The following SLC43A2 variants were observed in gnomAD, a reference collection of about 807,000 sequenced individuals.
SLC43A2 encodes solute carrier family 43 member 2.
A neutral mutation model predicts 63.2 loss-of-function variants in SLC43A2; 38 were observed. The observed-to-expected ratio is 0.60, with a 90% CI of 0.46 to 0.79. The LOEUF (loss-of-function observed/expected upper bound fraction) is 0.79, where lower values mean the gene tolerates loss of function less well. SLC43A2 is among the 30% of genes least tolerant of loss of function. The pLI, the probability that SLC43A2 is intolerant of heterozygous loss-of-function variation, is 0.00. For missense variants in SLC43A2, 644 were observed against 756.2 expected (o/e 0.85, Z 1.74); for synonymous variants, 322 against 331.0 (o/e 0.97, Z 0.30).
chr17:1,590,658 A>T, intron 9 of SLC43A2, 144 bp downstream of exon 9: 1 of 1,075,590 alleles, frequency 9.3e-7, no homozygotes, highest in Non-Finnish European at 1.3e-6. Flanking sequence ...GTGATGCAAT[A>T]GCTCTGACGG....
At chr17:1,591,795 T>A (rs1057067605) in intron 6 of SLC43A2, 96 bp from the exon 7 acceptor site, 9 of 960,560 alleles carry the variant, frequency 9.4e-6, no homozygotes, top group Non-Finnish European at 1.4e-5. Flanking sequence ...TGGCCACCCC[T>A]GCTGTCCCTG....
intron 10 of SLC43A2, among the ~76,000 whole-genome samples, chr17:1,584,819 CA>C (rs11463729): frequency 1.3e-4 from 18 of 142,226 alleles, no homozygotes; most frequent in African/African-American, 1.6e-4. Flanking sequence ...GACTCCGTCT[CA>C]AAAAAAAAAA....
upstream of SLC43A2, among the ~76,000 whole-genome samples, chr17:1,629,104 G>T (rs995372387): frequency 2.0e-5 from 3 of 152,000 alleles, no homozygotes; most frequent in Non-Finnish European, 2.9e-5. Flanking sequence ...CGGCGACATC[G>T]CCCCGCGGCC....
rs7219369 is a variant in SLC43A2, at chr17:1,613,186, T to C, written c.501+9A>G. Reference sequence around the variant, plus strand: ...CTGAACTACAGAGCTTTAAAAAATCTGTACTCACTGTTAATGAGGTGAAGG... The same window carrying C: ...CTGAACTACAGAGCTTTAAAAAATCCGTACTCACTGTTAATGAGGTGAAGG... On this transcript the variant is annotated intron_variant, in intron 5 of 13. Transcript: ENST00000301335. 0.99 allele frequency: 1,600,199 copies of C among 1,610,498 alleles called. 795,514 individuals carry two copies. Among genetic ancestry groups the C allele is most frequent in the East Asian group, 1 (44,855 of 44,858 alleles).
intron 9 of SLC43A2, 81 bp downstream of exon 9, chr17:1,590,721 C>T: frequency 6.6e-7 from 1 of 1,525,298 alleles, no homozygotes; most frequent in South Asian, 1.2e-5. Context: ...CCCGGCTCAG[C>T]TTAACACATT....
intron 5 of SLC43A2, among the ~76,000 whole-genome samples, chr17:1,611,287 G>A (rs892778810): frequency 2.0e-5 from 3 of 152,180 alleles, no homozygotes; most frequent in Non-Finnish European, 2.9e-5. Flanking sequence ...GGCGTCGCGT[G>A]ACTAAAATAA....
rs1905766189 is a variant in SLC43A2 at position 1,599,994 on chromosome 17, A to G, written c.502-6715T>C. 2.0e-5 allele frequency among the ~76,000 whole-genome samples: 3 copies of G among 146,526 alleles called. No individual in the cohort carries two copies. In the South Asian group the frequency reaches 6.6e-4, roughly 32 times the overall value. Reference sequence around the variant, plus strand: ...GGGAGGCAGAGCTTGCAGTGAGCTGAGATTGCGCCACTGCACTCCAGCCTG... The same window carrying G: ...GGGAGGCAGAGCTTGCAGTGAGCTGGGATTGCGCCACTGCACTCCAGCCTG... On this transcript the variant is annotated intron_variant, in intron 5 of 13. Coordinates refer to ENST00000301335, the MANE Select transcript of SLC43A2 (RefSeq NM_152346.3).
intron 8 of SLC43A2, 130 bp from the exon 9 acceptor site, chr17:1,591,078 G>T: frequency 8.0e-7 from 1 of 1,257,680 alleles, no homozygotes; most frequent in Non-Finnish European, 1.1e-6. Flanking sequence ...TAACGGGGTT[G>T]GCGCTGCGGT....
chr17:1,599,885 A>G (rs1188067323), intron 5 of SLC43A2, among the ~76,000 whole-genome samples: 1 of 149,002 alleles, frequency 6.7e-6, no homozygotes, highest in Non-Finnish European at 1.5e-5. Flanking sequence ...TCTACTAAAA[A>G]TACAAAAAAT....
At chr17:1,611,965 T>C (rs1255833094) in intron 5 of SLC43A2, among the ~76,000 whole-genome samples, 1 of 152,112 alleles carries the variant, frequency 6.6e-6, no homozygotes, top group Non-Finnish European at 1.5e-5. Context: ...TTTGACTTTC[T>C]TTTTTGTTGT....
Position 1,593,134 on chromosome 17 carries a change from G to A in SLC43A2, c.594+53C>T. 2 of 1,554,932 alleles carry A rather than the reference G, an allele frequency of 1.3e-6. No individual in the cohort carries two copies. Among genetic ancestry groups the A allele is most frequent in the Non-Finnish European group, 1.8e-6 (2 of 1,136,040 alleles). On this transcript the variant is annotated intron_variant, in intron 6 of 13. Coordinates refer to ENST00000301335, the MANE Select transcript of SLC43A2 (RefSeq NM_152346.3). This position sits in a 1 kb window ranked among gnomAD's most constrained non-coding sequence, Gnocchi z 5.3. ...GCCTCCCTCTTCAGAGAGGGTGGAAGGAGCCTGGAGCAGGCCTCTGCACAG... is the reference window on the plus strand; with the variant it reads ...GCCTCCCTCTTCAGAGAGGGTGGAAAGAGCCTGGAGCAGGCCTCTGCACAG...
intron 5 of SLC43A2, among the ~76,000 whole-genome samples, chr17:1,596,808 G>T (rs1905321083): frequency 6.6e-6 from 1 of 152,154 alleles, no homozygotes; most frequent in African/African-American, 2.4e-5. Context: ...TTTCTCCAAA[G>T]AAGATATACA....
intron 2 of SLC43A2, among the ~76,000 whole-genome samples, chr17:1,617,546 G>A (rs1379048365): frequency 2.0e-5 from 3 of 151,910 alleles, no homozygotes; most frequent in Admixed American, 6.6e-5. Context: ...ACCTGCCACC[G>A]CGCCCGGCTA....
At chr17:1,604,652 G>A (rs754217802) in intron 5 of SLC43A2, 5 of 1,399,322 alleles carry the variant, frequency 3.6e-6, no homozygotes, top group Non-Finnish European at 4.9e-6. Context: ...GAGACTACAG[G>A]GGGATACCAC....
At position 1,627,680 on chromosome 17, in the gene SLC43A2, C is replaced by CA. The variant is rs761083716; in HGVS notation, c.160+34dup. 25 of 1,382,398 alleles carry CA rather than the reference C, an allele frequency of 1.8e-5. No homozygotes were observed. The African/African-American group carries it at 4.5e-4, about 25-fold the overall frequency. The allele number at this position is 1,382,398 out of a possible 1,614,324, so 85.6% of individuals were successfully genotyped here. A position where few individuals can be genotyped will look rare whatever the true frequency, so the allele number is the denominator to read the frequency against. On this transcript the variant is annotated intron_variant, in intron 2 of 13. Coordinates refer to ENST00000301335, the MANE Select transcript of SLC43A2 (RefSeq NM_152346.3). ...CCGCCCCCTCCCAAAGCCCCAGCTC[C>CA]AGGAGCCCCCCGCAACCCCAGGCGC... is the stretch of plus-strand genomic sequence containing the variant.
In SLC43A2 at chr17:1,572,299, T is replaced by TC. The variant is rs1287959372; in HGVS notation, c.*3304dup. ...ACAGAGGTCCCCCCTGCCACAGAGG[T>TC]CCCCCTGCCACAGAGGCCTGGTGGC... On this transcript the variant is annotated 3_prime_UTR_variant, in exon 14 of 14. Coordinates refer to ENST00000301335, the MANE Select transcript of SLC43A2 (RefSeq NM_152346.3). The TC allele has an allele frequency of 1.2e-5, 1 of 82,714 alleles. No homozygotes were observed. Among genetic ancestry groups the TC allele is most frequent in the Non-Finnish European group, 2.2e-5 (1 of 44,714 alleles). 5.1% of individuals were successfully genotyped at this position (82,714 alleles called of 1,614,324 possible).
chr17:1,583,545 A>AG lies in SLC43A2; in HGVS notation c.1218-210dup, dbSNP rs1310570783. 2 of 752,614 alleles carry AG rather than the reference A, an allele frequency of 2.7e-6. No homozygotes were observed. The highest frequency in any genetic ancestry group is 3.5e-5 in the African/African-American group (2 of 56,696). 46.6% of individuals were successfully genotyped at this position (752,614 alleles called of 1,614,324 possible). ...GTGGCAAGCTGAGTGTGACTCTCGGAGGGGGTCTCGGGTACAAGAAGATGG... is the reference window on the plus strand; with the variant it reads ...GTGGCAAGCTGAGTGTGACTCTCGGAGGGGGGTCTCGGGTACAAGAAGATGG... On this transcript the variant is annotated intron_variant, in intron 10 of 13. Coordinates refer to ENST00000301335, the MANE Select transcript of SLC43A2 (RefSeq NM_152346.3). The surrounding 1 kb of genome is among the most constrained non-coding windows in gnomAD (Gnocchi z 5.5).
chr17:1,620,136 A>C (rs936139369), intron 2 of SLC43A2, among the ~76,000 whole-genome samples: 1 of 152,184 alleles, frequency 6.6e-6, no homozygotes, highest in South Asian at 2.1e-4. Flanking sequence ...AGGCCGAGGC[A>C]GGCGGACCAC....
rs750209271 is a variant in SLC43A2, at chr17:1,585,993, G to A, written c.1137C>T (p.Pro379=). 33 of 1,612,774 alleles carry A rather than the reference G, an allele frequency of 2.0e-5. No individual in the cohort carries two copies. The East Asian group carries it at 2.5e-4, about 12-fold the overall frequency. Residue 379 remains proline (P), a synonymous_variant, in exon 10 of 14, where the codon CCC becomes CCT. Transcript: ENST00000301335. ...TCCAGTCCATGATGTAGCCAATGAC[G>A]GGGGCCGTCAGCAGGCACAGCAGCT... ...VLQLLCLLTA[P]VIGYIMDWRL... is the part of the protein sequence containing the mutation.
Sources: gnomAD v4.1 joint callset for allele counts (sites outside exome capture counted in the v4.1 genomes callset) on GRCh38, gnomAD v4.1.1 for gene constraint, Gnocchi (gnomAD v3.1) non-coding constraint, MANE v1.5 for transcripts, NCBI Gene and HGNC (gene_info 2026-07-23, HGNC 2026-07-21) for gene names.